Variants in DPF3 observed in about 807,000 individuals in gnomAD.
The protein encoded by DPF3 is double PHD fingers 3, also known as zinc finger protein DPF3.
DPF3 carries 18 observed loss-of-function variants against 56.8 expected under a neutral mutation model. The ratio of observed to expected loss-of-function variants is 0.32; its 90% confidence interval spans 0.22 to 0.47. The LOEUF (loss-of-function observed/expected upper bound fraction) is 0.47, where lower values mean the gene tolerates loss of function less well. Among genes scored for constraint, DPF3 ranks in the 20% least tolerant of loss-of-function variants. The pLI is 1.00. For synonymous variants in DPF3, 188 were observed against 180.2 expected (o/e 1.04, Z -0.35); for missense variants, 403 against 488.8 (o/e 0.82, Z 1.65).
At chr14:72,858,910 A>T (rs1250630837) in intron 1 of DPF3, among the ~76,000 whole-genome samples, 2 of 152,210 alleles carry the variant, frequency 1.3e-5, no homozygotes, top group African/African-American at 2.4e-5. Flanking sequence ...TTCTATAAAA[A>T]CAAAGGCATT....
chr14:72,828,850 C>T (rs545602574), intron 1 of DPF3, among the ~76,000 whole-genome samples: 2 of 152,148 alleles, frequency 1.3e-5, no homozygotes, highest in African/African-American at 4.8e-5. Context: ...ACCCTGGCCA[C>T]GGGATGGAGA....
intron 1 of DPF3, among the ~76,000 whole-genome samples, chr14:72,817,103 T>A (rs1883321203): frequency 6.6e-6 from 1 of 152,106 alleles, no homozygotes. Context: ...TCTCAGAGGC[T>A]CACAGCCCCG....
At chr14:72,686,517 G>A (rs1887417907) in intron 7 of DPF3, among the ~76,000 whole-genome samples, 1 of 152,188 alleles carries the variant, frequency 6.6e-6, no homozygotes, top group Non-Finnish European at 1.5e-5. Context: ...TCACACCCTG[G>A]ACTGACCAAC....
intron 8 of DPF3, among the ~76,000 whole-genome samples, chr14:72,642,218 C>A (rs888122194): frequency 6.6e-6 from 1 of 152,250 alleles, no homozygotes; most frequent in Admixed American, 6.5e-5. Context: ...AGGTTCCCAA[C>A]CCTCAGAAGC....
chr14:72,676,609 C>T (rs912039880), intron 7 of DPF3, among the ~76,000 whole-genome samples: 2 of 152,150 alleles, frequency 1.3e-5, no homozygotes, highest in African/African-American at 4.8e-5. Flanking sequence ...ATCATGGGGG[C>T]AGGTTTTTCC....
chr14:72,837,771 G>C (rs1884361314), intron 1 of DPF3, among the ~76,000 whole-genome samples: 1 of 152,046 alleles, frequency 6.6e-6, no homozygotes, highest in African/African-American at 2.4e-5. Context: ...AGAAAAAAAA[G>C]ATCACTGTTC....
chr14:72,816,853 C>T (rs1883309876), intron 1 of DPF3, among the ~76,000 whole-genome samples: 1 of 152,192 alleles, frequency 6.6e-6, no homozygotes, highest in Non-Finnish European at 1.5e-5. Context: ...AGATGTTATA[C>T]TCAACATTCC....
intron 3 of DPF3, chr14:72,742,463 C>G (rs1599401043): frequency 7.3e-6 from 1 of 137,812 alleles, no homozygotes; most frequent in Non-Finnish European, 1.7e-5. Flanking sequence ...CTCCGCGGGT[C>G]CCTTCCTCCA....
chr14:72,733,248 G>A (rs900546610), intron 3 of DPF3, among the ~76,000 whole-genome samples: 1 of 152,132 alleles, frequency 6.6e-6, no homozygotes, highest in African/African-American at 2.4e-5. Context: ...GGTAAGCTGG[G>A]GGCAGGAACT....
chr14:72,874,979 G>C (rs1029573988), intron 1 of DPF3, among the ~76,000 whole-genome samples: 4 of 152,210 alleles, frequency 2.6e-5, no homozygotes, highest in Non-Finnish European at 5.9e-5. Flanking sequence ...ACGTGGCTGG[G>C]GAGGCCTCGG....
intron 1 of DPF3, chr14:72,892,331 T>C (rs1886785175): frequency 2.0e-6 from 3 of 1,535,420 alleles, no homozygotes; most frequent in South Asian, 1.2e-5. Flanking sequence ...CCATTTATTC[T>C]GCCATAAAAC....
intron 1 of DPF3, among the ~76,000 whole-genome samples, chr14:72,856,296 T>C (rs1413789129): frequency 6.6e-6 from 1 of 152,206 alleles, no homozygotes; most frequent in Non-Finnish European, 1.5e-5. Context: ...TTTTCTCCTC[T>C]AAAACAGGAG....
chr14:72,787,207 C>G (rs1892245987), intron 1 of DPF3, among the ~76,000 whole-genome samples: 1 of 152,236 alleles, frequency 6.6e-6, no homozygotes, highest in Admixed American at 6.5e-5. Context: ...AGAAAGTGAT[C>G]AGGATATGCA....
chr14:72,831,353 A>G (rs1037844079), intron 1 of DPF3, among the ~76,000 whole-genome samples: 5 of 149,106 alleles, frequency 3.4e-5, no homozygotes, highest in African/African-American at 9.9e-5. Context: ...CTCCCAAGGG[A>G]AAAAAAAAAC....
At chr14:72,833,258 T>C (rs1884136953) in intron 1 of DPF3, among the ~76,000 whole-genome samples, 1 of 152,252 alleles carries the variant, frequency 6.6e-6, no homozygotes, top group Admixed American at 6.5e-5. Flanking sequence ...AGGGCAGATG[T>C]GTCTGAGAGA....
intron 1 of DPF3, among the ~76,000 whole-genome samples, chr14:72,834,686 C>A (rs912580416): frequency 6.6e-6 from 1 of 152,060 alleles, no homozygotes; most frequent in Non-Finnish European, 1.5e-5. Flanking sequence ...CCAGAAACTC[C>A]TCCCCTAGGT....
At chr14:72,822,419 T>G (rs910755485) in intron 1 of DPF3, among the ~76,000 whole-genome samples, 2 of 149,864 alleles carry the variant, frequency 1.3e-5, no homozygotes, top group African/African-American at 4.9e-5. Context: ...TGTCCTAGAT[T>G]GTTAAAAAAT....
chr14:72,743,600 CAA>C (rs57448538), intron 3 of DPF3, among the ~76,000 whole-genome samples: 45,078 of 141,668 alleles, frequency 0.32, 7,702 homozygotes, highest in Middle Eastern at 0.42. Flanking sequence ...TTTCTTCATT[CAA>C]AAAAAAAAAA....
At chr14:72,833,756 G>A (rs1399489666) in intron 1 of DPF3, among the ~76,000 whole-genome samples, 1 of 152,158 alleles carries the variant, frequency 6.6e-6, no homozygotes, top group Non-Finnish European at 1.5e-5. Flanking sequence ...ATTTCTCAAT[G>A]AAAAGACAAA....
Sources: allele counts gnomAD v4.1 joint callset (sites outside exome capture counted in the v4.1 genomes callset), GRCh38; gene constraint gnomAD v4.1.1; transcripts MANE v1.5; gene names NCBI Gene and HGNC (gene_info 2026-07-23, HGNC 2026-07-21).